The following ASB9 variants were observed in gnomAD, a reference collection of about 807,000 sequenced individuals.
ASB9 encodes ankyrin repeat and SOCS box protein 9.
In ASB9, 5 loss-of-function variants were observed where a neutral mutation model predicts 16.6. The observed-to-expected ratio is 0.30, with a 90% CI of 0.16 to 0.63. ASB9 has a LOEUF of 0.63. ASB9 is among the 30% of genes least tolerant of loss of function. ASB9 has a pLI of 0.82. For missense variants in ASB9, 216 were observed against 229.4 expected, an observed-to-expected ratio of 0.94 and a Z score of 0.38; for synonymous variants, 100 against 86.4, an observed-to-expected ratio of 1.16 and a Z score of -0.87.
intron 6 of ASB9, 116 bp from the exon 7 acceptor site, chrX:15,244,746 T>C (rs376203367): frequency 3.8e-6 from 3 of 783,712 alleles, no homozygotes; most frequent in Non-Finnish European, 1.7e-6. Flanking sequence ...AATATTGAAC[T>C]ATTTAAGACC....
At chrX:15,254,680 A>T in intron 3 of ASB9, 57 bp downstream of exon 3, 1 of 907,918 alleles carries the variant, frequency 1.1e-6, no homozygotes, top group East Asian at 3.1e-5. Context: ...TTCAGAAGGG[A>T]TATACATAGT....
At chrX:15,270,228 T>C, upstream of ASB9, 1 of 152,666 alleles carries the variant, frequency 6.6e-6, no homozygotes, top group Non-Finnish European at 1.3e-5. Flanking sequence ...TGAGGAAGCC[T>C]TGGAGTTTAT....
chrX:15,252,284 C>T lies in ASB9; in HGVS notation c.403G>A (p.Ala135Thr), dbSNP rs776273992. 1.7e-6 allele frequency: 2 copies of T among 1,206,399 alleles called. No homozygotes were observed. Among genetic ancestry groups the T allele is most frequent in the Non-Finnish European group, 2.2e-6 (2 of 894,009 alleles). ...GASVQPESDL[A>T]SPIHEAARRG... ...CTAGCAGCTTCATGGATGGGGGATG[C>T]CAGATCACTCTCAGGTTGAACGCTG... The change falls in exon 4 of 7, where the codon GCA becomes ACA. Residue 135 changes from alanine to threonine, a missense_variant. By Grantham distance (58) the Ala-to-Thr change is moderately conservative (BLOSUM62 0). Transcript: ENST00000380488.
At chrX:15,247,865 T>C (rs756341069) in intron 6 of ASB9, among the ~76,000 whole-genome samples, 41 of 112,128 alleles carry the variant, frequency 3.7e-4, no homozygotes, top group African/African-American at 1.2e-3. Context: ...GCAAGTACCC[T>C]GGGGCAGTGA....
chrX:15,268,833 TAAA>T (rs1926764314), intron 1 of ASB9, among the ~76,000 whole-genome samples: 3 of 108,493 alleles, frequency 2.8e-5, no homozygotes, highest in Non-Finnish European at 3.8e-5. Flanking sequence ...AAAAAATTAA[TAAA>T]TAATAAATAC....
intron 4 of ASB9, 92 bp downstream of exon 4, chrX:15,252,162 G>A (rs1925168206): frequency 7.0e-6 from 7 of 994,372 alleles, no homozygotes; most frequent in Non-Finnish European, 9.5e-6. Flanking sequence ...GAGAACTACT[G>A]CTCTAAAATA....
intron 6 of ASB9, 140 bp downstream of exon 6, chrX:15,248,604 A>T (rs746974033): frequency 2.5e-4 from 251 of 1,008,693 alleles, no homozygotes; most frequent in Non-Finnish European, 3.0e-4. Context: ...ATATTGAATT[A>T]TCTCAACTTC....
At chrX:15,264,157 T>C (rs901576970) in intron 1 of ASB9, among the ~76,000 whole-genome samples, 5 of 111,612 alleles carry the variant, frequency 4.5e-5, no homozygotes, top group African/African-American at 1.6e-4. Context: ...TTCTAGCTTC[T>C]GGCAGTGGCC....
rs190747930 is a variant in ASB9, at chrX:15,253,783, T to C, written c.282+954A>G. ...AGAAAAGCCAAGTGCAGACACATTC[T>C]TGTATATCATTAAATGATTATCTGG... On this transcript the variant is annotated intron_variant, in intron 3 of 6. Transcript: ENST00000380488. Among the ~76,000 whole-genome samples, 320 of 111,858 alleles carry C rather than the reference T, an allele frequency of 2.9e-3. 2 individuals are homozygous for C. The highest frequency in any genetic ancestry group is 0.027 in the Admixed American group (288 of 10,489).
chrX:15,267,158 G>A (rs1926506134), intron 1 of ASB9, among the ~76,000 whole-genome samples: 2 of 112,931 alleles, frequency 1.8e-5, no homozygotes, highest in South Asian at 6.9e-4. Flanking sequence ...CACTTTGGGA[G>A]GCCGAGGCGG....
Position 15,245,133 on chromosome X carries a change from C to T in ASB9, c.761-503G>A, listed in dbSNP as rs189731899. On this transcript the variant is annotated intron_variant, in intron 6 of 6. Transcript: ENST00000380488. ...TCCTGTATTCAGAGCTATTCCAATG[C>T]TTCAATTCATAAGTGAAAAGTGAAC... Among the ~76,000 whole-genome samples, 394 of 111,705 alleles carry T rather than the reference C, an allele frequency of 3.5e-3. 2 individuals are homozygous for T. The highest frequency in any genetic ancestry group is 0.012 in the African/African-American group (375 of 30,788).
At chrX:15,264,808 C>CG (rs1310864541) in intron 1 of ASB9, among the ~76,000 whole-genome samples, 2 of 111,867 alleles carry the variant, frequency 1.8e-5, no homozygotes, top group African/African-American at 6.5e-5. Context: ...GCAAAGCAGA[C>CG]GGAGAATGAC....
Position 15,269,892 on chromosome X carries a change from G to A in ASB9, c.-18C>T, listed in dbSNP as rs779668682. ...CCATCCATGATGCTCTCTCCTAAGC[G>A]AGCAAGCTCTGCGCTCCACTTCAGT... is the stretch of plus-strand genomic sequence containing the variant. On this transcript the variant is annotated 5_prime_UTR_variant, in exon 1 of 7. Coordinates refer to ENST00000380488, the MANE Select transcript of ASB9 (RefSeq NM_001031739.3). 9.4e-6 allele frequency: 11 copies of A among 1,166,062 alleles called. No individual in the cohort carries two copies. The East Asian group carries it at 1.5e-4, about 16-fold the overall frequency.
At chrX:15,268,977 C>T (rs1488833423) in intron 1 of ASB9, among the ~76,000 whole-genome samples, 3 of 110,813 alleles carry the variant, frequency 2.7e-5, no homozygotes, top group Non-Finnish European at 3.8e-5. Flanking sequence ...TGCCTTCACC[C>T]TCACCCTGCT....
Position 15,252,372 on chromosome X carries a change from T to C in ASB9, c.315A>G (p.Pro105=), listed in dbSNP as rs755954487. The C allele has an allele frequency of 9.4e-5, 114 of 1,207,372 alleles. No homozygotes were observed. Among genetic ancestry groups the C allele is most frequent in the Non-Finnish European group, 1.3e-4 (112 of 894,230 alleles). ...TGCCGCTGACACAAGCATTAAACAG[T>C]GGAGTGTGCCAGTCTGCTGTCACAC... ...VNGVTADWHT[P]LFNACVSGSW... The change falls in exon 4 of 7, where the codon CCA becomes CCG. Residue 105 remains proline, a synonymous_variant. Coordinates refer to ENST00000380488, the MANE Select transcript of ASB9 (RefSeq NM_001031739.3).
intron 1 of ASB9, among the ~76,000 whole-genome samples, chrX:15,263,549 T>G (rs1926141245): frequency 9.9e-6 from 1 of 100,738 alleles, no homozygotes; most frequent in South Asian, 5.0e-4. Context: ...CTCTTTCTTC[T>G]CTCTCTTCTC....
In ASB9 at chrX:15,250,210, C is replaced by CATCA. The variant is rs758862010; in HGVS notation, c.568+219_568+220insTGAT. On this transcript the variant is annotated intron_variant, in intron 5 of 6. Coordinates refer to ENST00000380488, the MANE Select transcript of ASB9 (RefSeq NM_001031739.3). ...AAGAGGCATCATCATCATCATCATCCTCCTCCTCCTCCTCCTCCTCCTCAT... is the reference window on the plus strand; with the variant it reads ...AAGAGGCATCATCATCATCATCATCCATCATCCTCCTCCTCCTCCTCCTCCTCAT... Among the ~76,000 whole-genome samples, 512 of 103,194 alleles carry CATCA rather than the reference C, an allele frequency of 5.0e-3. 1 individual carries two copies. Among genetic ancestry groups the CATCA allele is most frequent in the African/African-American group, 0.017 (461 of 26,786 alleles). The allele number at this position is 103,194 out of a possible 115,157, so 89.6% of individuals were successfully genotyped here.
intron 5 of ASB9, among the ~76,000 whole-genome samples, chrX:15,249,954 G>A (rs775161704): frequency 3.6e-5 from 4 of 112,056 alleles, no homozygotes; most frequent in African/African-American, 1.3e-4. Context: ...ACAACAGCAG[G>A]GAGGTGAAAA....
chrX:15,256,568 G>A (rs1214306727), intron 2 of ASB9, among the ~76,000 whole-genome samples: 1 of 107,360 alleles, frequency 9.3e-6, no homozygotes, highest in African/African-American at 3.4e-5. Context: ...ACGAGGTCAG[G>A]AGATCGAGAC....
Sources: gnomAD v4.1 joint callset for allele counts (sites outside exome capture counted in the v4.1 genomes callset) on GRCh38, gnomAD v4.1.1 for gene constraint, MANE v1.5 for transcripts, NCBI Gene and HGNC (gene_info 2026-07-23, HGNC 2026-07-21) for gene names.